Variants in SMC4 observed in about 807,000 individuals in gnomAD.
SMC4 encodes structural maintenance of chromosomes 4.
Under a neutral mutation model 145.6 loss-of-function variants are expected in SMC4, and 87 were observed. That is an observed-to-expected ratio of 0.60 (90% CI 0.50 to 0.71). The LOEUF is 0.71. Ranked by LOEUF, SMC4 falls within the 30% of genes least tolerant of loss-of-function variation. The pLI is 0.00. For missense variants in SMC4, 1,447 were observed against 1,537.1 expected, an observed-to-expected ratio of 0.94 and a Z score of 0.98; for synonymous variants, 558 against 500.7, an observed-to-expected ratio of 1.11 and a Z score of -1.53.
intron 20 of SMC4, 131 bp from the exon 21 acceptor site, chr3:160,431,512 A>G (rs1718402240): frequency 3.9e-6 from 3 of 766,938 alleles, no homozygotes; most frequent in Non-Finnish European, 6.2e-6. Flanking sequence ...AAGTCCTTTG[A>G]AAAATAATTG....
In SMC4 at chr3:160,413,575, A is replaced by T; in HGVS notation, c.1083A>T (p.Glu361Asp). The change falls in exon 8 of 24, where the codon GAA becomes GAT. Residue 361 changes from glutamate to aspartate, a missense_variant. Coordinates refer to ENST00000357388, the MANE Select transcript of SMC4 (RefSeq NM_001002800.3). The part of the protein sequence containing the change: ...INEKSNILSN[E>D]MKAKNKDVKD... Reference sequence around the variant, plus strand: ...AGAAGAGCAATATACTATCAAATGAAATGAAAGCTAAGAATAAAGATGTAA... The same window carrying T: ...AGAAGAGCAATATACTATCAAATGATATGAAAGCTAAGAATAAAGATGTAA... The T allele has an allele frequency of 6.8e-7, 1 of 1,474,824 alleles. No individual in the cohort carries two copies. Among genetic ancestry groups the T allele is most frequent in the Middle Eastern group, 1.8e-4 (1 of 5,650 alleles). The allele number at this position is 1,474,824 out of a possible 1,614,324, so 91.4% of individuals were successfully genotyped here. A position where few individuals can be genotyped will look rare whatever the true frequency, so the allele number is the denominator to read the frequency against.
At chr3:160,428,092 G>GC (rs1261206859) in intron 17 of SMC4, among the ~76,000 whole-genome samples, 1 of 152,210 alleles carries the variant, frequency 6.6e-6, no homozygotes, top group Non-Finnish European at 1.5e-5. Context: ...TCCATCCTGG[G>GC]CCATAGAGCT....
intron 8 of SMC4, 111 bp from the exon 9 acceptor site, chr3:160,414,256 C>A: frequency 1.1e-6 from 1 of 881,398 alleles, no homozygotes; most frequent in Admixed American, 1.8e-5. Context: ...TAGGATCCTG[C>A]CTTATTAAGA....
intron 3 of SMC4, 56 bp from the exon 4 acceptor site, chr3:160,402,620 G>A: frequency 1.3e-6 from 2 of 1,528,912 alleles, no homozygotes; most frequent in Non-Finnish European, 1.8e-6. Flanking sequence ...AAAATCAGTA[G>A]TATTAGCATG....
chr3:160,415,745 T>C (rs1406481478), intron 9 of SMC4, among the ~76,000 whole-genome samples: 1 of 152,240 alleles, frequency 6.6e-6, no homozygotes, highest in Non-Finnish European at 1.5e-5. Context: ...TGATTAGCCT[T>C]TAGGCATAGA....
At chr3:160,423,952 A>C in intron 15 of SMC4, 112 bp downstream of exon 15, 1 of 639,276 alleles carries the variant, frequency 1.6e-6, no homozygotes, top group Non-Finnish European at 2.6e-6. Context: ...CTCAAATTTT[A>C]ATAGATGGCG....
intron 12 of SMC4, 84 bp from the exon 13 acceptor site, chr3:160,420,656 A>G: frequency 6.9e-7 from 1 of 1,441,624 alleles, no homozygotes; most frequent in South Asian, 1.3e-5. Flanking sequence ...TTTTTCAATT[A>G]AAAGAAGTTT....
At chr3:160,419,238 A>G (rs1716908308) in intron 11 of SMC4, 120 bp from the exon 12 acceptor site, 2 of 716,116 alleles carry the variant, frequency 2.8e-6, no homozygotes, top group African/African-American at 1.8e-5. Flanking sequence ...TTTTGGTTCA[A>G]ATTTTTATTG....
chr3:160,401,325 T>C (rs1714619091), intron 2 of SMC4, among the ~76,000 whole-genome samples: 1 of 152,078 alleles, frequency 6.6e-6, no homozygotes, highest in Non-Finnish European at 1.5e-5. Flanking sequence ...AGACAATCAA[T>C]ATGACTATGT....
At chr3:160,399,805 G>T (rs905070795) in intron 1 of SMC4, 56 bp downstream of exon 1, 1 of 152,346 alleles carries the variant, frequency 6.6e-6, no homozygotes, top group Non-Finnish European at 1.5e-5. Flanking sequence ...TGCCTTGTCC[G>T]CGAGCGCCTG....
intron 13 of SMC4, 61 bp from the exon 14 acceptor site, chr3:160,423,359 GTTTTT>G: frequency 4.9e-6 from 2 of 405,224 alleles, no homozygotes; most frequent in Non-Finnish European, 7.7e-6. Context: ...GTTTTTTTTT[GTTTTT>G]TTTTTTGAGT....
At chr3:160,431,555 G>T in intron 20 of SMC4, 88 bp from the exon 21 acceptor site, 1 of 1,010,480 alleles carries the variant, frequency 9.9e-7, no homozygotes, top group African/African-American at 1.6e-5. Context: ...TGTTTTCATA[G>T]CTGTGTAATT....
chr3:160,419,599 CTT>C (rs1183292580), intron 12 of SMC4, 56 bp downstream of exon 12: 66 of 1,514,310 alleles, frequency 4.4e-5, no homozygotes, highest in Non-Finnish European at 5.2e-5. Flanking sequence ...GAAAGTGTAA[CTT>C]ATTTTTTTGC....
intron 22 of SMC4, 80 bp from the exon 23 acceptor site, chr3:160,432,946 C>T (rs1186376263): frequency 2.2e-6 from 2 of 909,180 alleles, no homozygotes; most frequent in African/African-American, 3.3e-5. Context: ...GATAGTAGAA[C>T]TCAATTATGG....
chr3:160,416,443 A>G (rs565264573), intron 10 of SMC4, 28 bp downstream of exon 10: 1 of 1,345,782 alleles, frequency 7.4e-7, no homozygotes, highest in African/African-American at 1.5e-5. Flanking sequence ...ATCAGTGTTT[A>G]TTTTGGTGGC....
At chr3:160,429,711 GTT>G (rs1194382144) in intron 18 of SMC4, among the ~76,000 whole-genome samples, 6 of 127,670 alleles carry the variant, frequency 4.7e-5, no homozygotes, top group East Asian at 2.3e-4. Context: ...ATCTACTTAG[GTT>G]TTTTTTTTTT....
intron 16 of SMC4, 49 bp from the exon 17 acceptor site, chr3:160,426,025 T>C: frequency 6.9e-7 from 1 of 1,446,626 alleles, no homozygotes; most frequent in Non-Finnish European, 9.4e-7. Flanking sequence ...TCACAATGTT[T>C]AAAGCAAATG....
chr3:160,430,373 C>T (rs1055110289), intron 18 of SMC4, among the ~76,000 whole-genome samples: 3 of 152,060 alleles, frequency 2.0e-5, no homozygotes, highest in African/African-American at 7.2e-5. Context: ...ATACAAGCAG[C>T]TTATATAAGA....
At chr3:160,402,551 A>G in intron 3 of SMC4, 125 bp from the exon 4 acceptor site, 1 of 939,152 alleles carries the variant, frequency 1.1e-6, no homozygotes, top group Non-Finnish European at 1.6e-6. Flanking sequence ...ATTAGCAATG[A>G]GAACTTTTAA....
Sources: gnomAD v4.1 joint callset for allele counts (sites outside exome capture counted in the v4.1 genomes callset) on GRCh38, gnomAD v4.1.1 for gene constraint, MANE v1.5 for transcripts, NCBI Gene and HGNC (gene_info 2026-07-23, HGNC 2026-07-21) for gene names.